EGLN3: variants seen among roughly 807,000 people sequenced by gnomAD.
EGLN3 encodes the protein egl-9 family hypoxia inducible factor 3.
Under a neutral mutation model 26.0 loss-of-function variants are expected in EGLN3, and 15 were observed. That is an observed-to-expected ratio of 0.58 (90% CI 0.39 to 0.89). The LOEUF (loss-of-function observed/expected upper bound fraction) is 0.89, where lower values mean the gene tolerates loss of function less well. EGLN3 is among the 40% of genes least tolerant of loss of function. The probability of loss-of-function intolerance (pLI) is 0.00; values close to 1 mark genes in which losing one functional copy is unlikely to be tolerated. For missense variants in EGLN3, 238 were observed against 311.6 expected, an observed-to-expected ratio of 0.76 and a Z score of 1.78; for synonymous variants, 147 against 127.2, an observed-to-expected ratio of 1.16 and a Z score of -1.05.
At chr14:33,947,858 C>T (rs975298883) in intron 1 of EGLN3, among the ~76,000 whole-genome samples, 3 of 151,874 alleles carry the variant, frequency 2.0e-5, no homozygotes, top group Non-Finnish European at 4.4e-5. Flanking sequence ...GAGACCAGCC[C>T]GGCCAACATG....
intron 1 of EGLN3, among the ~76,000 whole-genome samples, chr14:33,936,762 G>T (rs1467857748): frequency 7.4e-6 from 1 of 134,568 alleles, no homozygotes; most frequent in East Asian, 2.2e-4. Flanking sequence ...CTGGAGGAAA[G>T]GCTGGAGAAA....
chr14:33,927,427 G>T (rs906968930), intron 3 of EGLN3, among the ~76,000 whole-genome samples: 2 of 152,072 alleles, frequency 1.3e-5, no homozygotes, highest in African/African-American at 4.8e-5. Flanking sequence ...CCAAAGTGCT[G>T]GGATTGCAGG....
chr14:33,930,721 A>C (rs2064396778), intron 2 of EGLN3, among the ~76,000 whole-genome samples: 1 of 152,174 alleles, frequency 6.6e-6, no homozygotes, highest in Non-Finnish European at 1.5e-5. Context: ...TTTTTGTGGA[A>C]CTTTCTCAAT....
chr14:33,946,558 A>C (rs1317296201), intron 1 of EGLN3, among the ~76,000 whole-genome samples: 2 of 152,156 alleles, frequency 1.3e-5, no homozygotes, highest in Non-Finnish European at 2.9e-5. Context: ...TTCGTTCATC[A>C]TGGCACCACC....
chr14:33,939,152 A>G (rs1271267064), intron 1 of EGLN3, among the ~76,000 whole-genome samples: 1 of 152,240 alleles, frequency 6.6e-6, no homozygotes, highest in Non-Finnish European at 1.5e-5. Flanking sequence ...TGGATAATAT[A>G]TGAAAAAACG....
intron 1 of EGLN3, chr14:33,949,371 A>G (rs1375928442): frequency 6.6e-6 from 1 of 152,260 alleles, no homozygotes; most frequent in Non-Finnish European, 1.5e-5. Flanking sequence ...AAAGAGTGGT[A>G]CATAGGTGAG....
intron 1 of EGLN3, among the ~76,000 whole-genome samples, chr14:33,935,596 C>T (rs1026920527): frequency 1.6e-5 from 2 of 128,224 alleles, no homozygotes; most frequent in African/African-American, 5.6e-5. Flanking sequence ...TACACACACA[C>T]ACACACACAC....
intron 1 of EGLN3, among the ~76,000 whole-genome samples, chr14:33,946,376 C>CAATAAATA (rs58751029): frequency 8.1e-4 from 122 of 151,194 alleles, no homozygotes; most frequent in Middle Eastern, 6.8e-3. Flanking sequence ...AACTCTGTCT[C>CAATAAATA]AATAAATAAA....
Position 33,950,651 on chromosome 14 carries a change from G to A in EGLN3, c.102C>T (p.Phe34=). Residue 34 remains phenylalanine, a synonymous_variant, in exon 1 of 5, where the codon TTC becomes TTT. Transcript: ENST00000250457. The stretch of plus-strand genomic sequence containing the variant: ...CGCAGTCGCCCACCACCTCGCCCAG[G>A]AAGTTGTCCAGGTAGCAGAAGCCCA... ...HEVGFCYLDN[F]LGEVVGDCVL... 1 of 1,614,042 alleles carries A rather than the reference G, an allele frequency of 6.2e-7. No individual in the cohort carries two copies. Among genetic ancestry groups the A allele is most frequent in the Non-Finnish European group, 8.5e-7 (1 of 1,179,958 alleles).
chr14:33,945,976 G>A (rs1185881290), intron 1 of EGLN3, among the ~76,000 whole-genome samples: 1 of 152,274 alleles, frequency 6.6e-6, no homozygotes, highest in East Asian at 1.9e-4. Context: ...TTCCAGGGGA[G>A]GACCAATTGG....
intron 1 of EGLN3, among the ~76,000 whole-genome samples, chr14:33,941,715 G>T (rs895604383): frequency 6.6e-6 from 1 of 152,072 alleles, no homozygotes. Flanking sequence ...TGCATTCAAG[G>T]AATTTCTAAG....
At chr14:33,934,634 T>C (rs2064427889) in intron 1 of EGLN3, among the ~76,000 whole-genome samples, 1 of 152,136 alleles carries the variant, frequency 6.6e-6, no homozygotes, top group Admixed American at 6.5e-5. Context: ...ACCTCCACCA[T>C]CCACTAGGCA....
Position 33,925,760 on chromosome 14 carries a change from G to T in EGLN3, c.*131C>A. Reference sequence around the variant, plus strand: ...ACATGAAGTACCACACACAAGACAGGGATGTGAAGGATGCAAGAAGTAGCA... The same window carrying T: ...ACATGAAGTACCACACACAAGACAGTGATGTGAAGGATGCAAGAAGTAGCA... On this transcript the variant is annotated 3_prime_UTR_variant, in exon 5 of 5. Coordinates refer to ENST00000250457, the MANE Select transcript of EGLN3 (RefSeq NM_022073.4). The T allele has an allele frequency of 1.0e-6, 1 of 992,362 alleles. No individual in the cohort carries two copies. 61.5% of individuals were successfully genotyped at this position (992,362 alleles called of 1,614,324 possible).
At chr14:33,937,105 G>T (rs905183977) in intron 1 of EGLN3, among the ~76,000 whole-genome samples, 5 of 152,162 alleles carry the variant, frequency 3.3e-5, no homozygotes, top group African/African-American at 7.2e-5. Flanking sequence ...TGGCAACTAT[G>T]CAAAGCTTTC....
intron 3 of EGLN3, among the ~76,000 whole-genome samples, chr14:33,928,069 G>T (rs1008176324): frequency 6.6e-6 from 1 of 151,928 alleles, no homozygotes; most frequent in Non-Finnish European, 1.5e-5. Context: ...TGTTTTCCCT[G>T]TAAGGCCAGT....
chr14:33,939,061 T>A (rs781221592), intron 1 of EGLN3, among the ~76,000 whole-genome samples: 12 of 152,192 alleles, frequency 7.9e-5, no homozygotes, highest in Non-Finnish European at 1.8e-4. Context: ...ATGGAATATT[T>A]GAAATTTTCA....
intron 1 of EGLN3, among the ~76,000 whole-genome samples, chr14:33,939,495 C>G (rs1343237433): frequency 1.4e-5 from 2 of 142,212 alleles, no homozygotes; most frequent in Admixed American, 1.4e-4. Flanking sequence ...CAGGCGTGAG[C>G]CACCGCGCCC....
At chr14:33,939,361 C>A (rs1010217066) in intron 1 of EGLN3, among the ~76,000 whole-genome samples, 18 of 152,130 alleles carry the variant, frequency 1.2e-4, no homozygotes, top group Non-Finnish European at 2.1e-4. Flanking sequence ...CAGGCGCCCG[C>A]CACCACGCCC....
chr14:33,937,078 G>C (rs1298485766), intron 1 of EGLN3, among the ~76,000 whole-genome samples: 1 of 152,192 alleles, frequency 6.6e-6, no homozygotes, highest in African/African-American at 2.4e-5. Flanking sequence ...TGTTCACAGG[G>C]CCTCTTTACA....
Sources: gnomAD v4.1 joint callset for allele counts (sites outside exome capture counted in the v4.1 genomes callset) on GRCh38, gnomAD v4.1.1 for gene constraint, MANE v1.5 for transcripts, NCBI Gene and HGNC (gene_info 2026-07-23, HGNC 2026-07-21) for gene names.